Variants in DRC11 observed in about 807,000 individuals in gnomAD.
DRC11 encodes IQ and AAA domain-containing protein 1.
chr2:236,337,055 C>T, the DRC11 span, among the ~76,000 whole-genome samples: 7 of 152,046 alleles, frequency 4.6e-5, no homozygotes, highest in East Asian at 1.9e-4. The surrounding 1 kb of genome is among the most constrained non-coding windows in gnomAD (Gnocchi z 4.9). Flanking sequence ...CCTGTCCGGT[C>T]GACATAGGCC....
chr2:236,398,042 C>T, the DRC11 span, among the ~76,000 whole-genome samples: 10 of 152,140 alleles, frequency 6.6e-5, no homozygotes, highest in Admixed American at 2.0e-4. The surrounding 1 kb of genome is among the most constrained non-coding windows in gnomAD (Gnocchi z 6.2). Context: ...TGGATGACAG[C>T]GGGGCTTCTA....
At chr2:236,491,204 A>ACACACAG in the DRC11 span, among the ~76,000 whole-genome samples, 10 of 60,152 alleles carry the variant, frequency 1.7e-4, no homozygotes, top group African/African-American at 7.5e-4. Context: ...ATATATATAT[A>ACACACAG]TATATATACA....
the DRC11 span, among the ~76,000 whole-genome samples, chr2:236,398,066 A>G: frequency 2.0e-5 from 3 of 152,234 alleles, no homozygotes; most frequent in Admixed American, 2.0e-4. This position sits in a 1 kb window ranked among gnomAD's most constrained non-coding sequence, Gnocchi z 6.2. Flanking sequence ...GTACCTGCCC[A>G]TACGAGGAGA....
the DRC11 span, among the ~76,000 whole-genome samples, chr2:236,473,656 A>G: frequency 6.6e-6 from 1 of 152,208 alleles, no homozygotes; most frequent in East Asian, 1.9e-4. This position sits in a 1 kb window ranked among gnomAD's most constrained non-coding sequence, Gnocchi z 4.8. Context: ...ACAATCATTA[A>G]GTTTCCTTCT....
chr2:236,339,970 T>C, the DRC11 span, among the ~76,000 whole-genome samples: 1 of 152,266 alleles, frequency 6.6e-6, no homozygotes, highest in Admixed American at 6.5e-5. Flanking sequence ...GCATTGAATA[T>C]GTAGGCCAAT....
At chr2:236,452,331 C>T in the DRC11 span, among the ~76,000 whole-genome samples, 1,139 of 151,706 alleles carry the variant, frequency 7.5e-3, 7 homozygotes, top group Non-Finnish European at 8.4e-3. This position sits in a 1 kb window ranked among gnomAD's most constrained non-coding sequence, Gnocchi z 4.7. Flanking sequence ...TGAGCTTCAA[C>T]GGGCCTCACA....
the DRC11 span, chr2:236,440,953 C>A: frequency 1.3e-6 from 1 of 795,230 alleles, no homozygotes; most frequent in Non-Finnish European, 2.1e-6. Context: ...TAACCAAGAC[C>A]TAATAACGCT....
the DRC11 span, chr2:236,331,835 C>A: frequency 8.2e-6 from 4 of 490,574 alleles, no homozygotes; most frequent in African/African-American, 1.9e-5. The surrounding 1 kb of genome is among the most constrained non-coding windows in gnomAD (Gnocchi z 4.8). Flanking sequence ...AAGTGCCCTG[C>A]AAATTAACAA....
the DRC11 span, among the ~76,000 whole-genome samples, chr2:236,467,877 G>A: frequency 1.2e-4 from 19 of 152,208 alleles, no homozygotes; most frequent in Middle Eastern, 3.4e-3. Context: ...TAACACAAAT[G>A]TACACACACA....
At chr2:236,464,608 G>A in the DRC11 span, among the ~76,000 whole-genome samples, 12 of 151,962 alleles carry the variant, frequency 7.9e-5, no homozygotes, top group Non-Finnish European at 1.6e-4. Context: ...ATATGAATAC[G>A]CCTGGAGCCT....
the DRC11 span, among the ~76,000 whole-genome samples, chr2:236,487,241 T>C: frequency 2.0e-5 from 3 of 152,116 alleles, no homozygotes; most frequent in Non-Finnish European, 2.9e-5. Context: ...TGTGGGGAAA[T>C]ATAGTAACCT....
At chr2:236,375,899 T>C in the DRC11 span, among the ~76,000 whole-genome samples, 1 of 152,224 alleles carries the variant, frequency 6.6e-6, no homozygotes, top group Admixed American at 6.5e-5. This position sits in a 1 kb window ranked among gnomAD's most constrained non-coding sequence, Gnocchi z 4.2. Flanking sequence ...CAATAACTGA[T>C]GCAGATACAA....
the DRC11 span, among the ~76,000 whole-genome samples, chr2:236,434,139 C>T: frequency 6.6e-6 from 1 of 152,152 alleles, no homozygotes; most frequent in Non-Finnish European, 1.5e-5. The surrounding 1 kb of genome is among the most constrained non-coding windows in gnomAD (Gnocchi z 5.5). Flanking sequence ...TAATGTGGTG[C>T]TGGTTTTAGT....
the DRC11 span, among the ~76,000 whole-genome samples, chr2:236,357,394 A>T: frequency 1.6e-5 from 2 of 124,810 alleles, no homozygotes; most frequent in Non-Finnish European, 3.1e-5. Context: ...TAGATATTAT[A>T]TAGTATATGC....
At chr2:236,467,085 T>C in the DRC11 span, among the ~76,000 whole-genome samples, 1 of 152,184 alleles carries the variant, frequency 6.6e-6, no homozygotes, top group African/African-American at 2.4e-5. Context: ...AGCTGTTTCC[T>C]CCCTGAAAGT....
the DRC11 span, among the ~76,000 whole-genome samples, chr2:236,398,212 T>C: frequency 1.3e-5 from 2 of 152,188 alleles, no homozygotes; most frequent in Non-Finnish European, 2.9e-5. This position sits in a 1 kb window ranked among gnomAD's most constrained non-coding sequence, Gnocchi z 6.2. Flanking sequence ...TGAAAATGGA[T>C]TGAGTTGCCA....
chr2:236,408,621 C>T, the DRC11 span: 2 of 724,730 alleles, frequency 2.8e-6, no homozygotes, highest in African/African-American at 3.5e-5. This position sits in a 1 kb window ranked among gnomAD's most constrained non-coding sequence, Gnocchi z 5.5. Context: ...CTTCATGCTG[C>T]TGAAGTCCTG....
chr2:236,455,466 T>C, the DRC11 span, among the ~76,000 whole-genome samples: 1 of 152,328 alleles, frequency 6.6e-6, no homozygotes, highest in Non-Finnish European at 1.5e-5. This position sits in a 1 kb window ranked among gnomAD's most constrained non-coding sequence, Gnocchi z 5.7. Context: ...TGGGAGGTGC[T>C]GCAGTCCTGA....
chr2:236,475,194 T>A, the DRC11 span, among the ~76,000 whole-genome samples: 2 of 152,138 alleles, frequency 1.3e-5, no homozygotes, highest in African/African-American at 4.8e-5. This position sits in a 1 kb window ranked among gnomAD's most constrained non-coding sequence, Gnocchi z 4.8. Flanking sequence ...GAGATCCACT[T>A]TTTTAGCTCC....
Sources: gnomAD v4.1 joint callset for allele counts (sites outside exome capture counted in the v4.1 genomes callset) on GRCh38, gnomAD v4.1.1 for gene constraint, Gnocchi (gnomAD v3.1) non-coding constraint, MANE v1.5 for transcripts, NCBI Gene and HGNC (gene_info 2026-07-23, HGNC 2026-07-21) for gene names.